PRH1: variants seen among roughly 807,000 people sequenced by gnomAD.
The protein encoded by PRH1 is proline rich protein HaeIII subfamily 1.
In PRH1, 7 loss-of-function variants were observed where a neutral mutation model predicts 7.9. That is an observed-to-expected ratio of 0.89 (90% CI 0.50 to 1.67). The LOEUF is 1.67. Among genes scored for constraint, PRH1 ranks in the 40% most tolerant of loss-of-function variants. The pLI, the probability that PRH1 is intolerant of heterozygous loss-of-function variation, is 0.00. For missense variants in PRH1, 109 were observed against 223.6 expected, an observed-to-expected ratio of 0.49 and a Z score of 3.27; for synonymous variants, 45 against 80.8, an observed-to-expected ratio of 0.56 and a Z score of 2.38.
intron 1 of PRH1, among the ~76,000 whole-genome samples, chr12:11,108,778 T>C (rs531600217): frequency 5.9e-5 from 9 of 152,158 alleles, no homozygotes; most frequent in Non-Finnish European, 1.0e-4. Context: ...CAGAAGTTTT[T>C]TGTCATACCC....
chr12:11,095,438 CATT>C lies in PRH1; in HGVS notation n.124-48253_124-48251del, dbSNP rs756064413. Among the ~76,000 whole-genome samples, 13 of 47,524 alleles carry C rather than the reference CATT, an allele frequency of 2.7e-4. No individual in the cohort carries two copies. In the East Asian group the frequency reaches 4.1e-3, roughly 15 times the overall value. The allele number at this position is 47,524 out of a possible 152,430, so 31.2% of individuals were successfully genotyped here. A position where few individuals can be genotyped will look rare whatever the true frequency, so the allele number is the denominator to read the frequency against. ...CAATTGTATAATTACCCCAACAAGA[CATT>C]ATTATTTTCTAAACATTCATTTAGA... On this transcript the variant is annotated intron_variant and non_coding_transcript_variant, in intron 1 of 4. Coordinates refer to the PRH1 transcript ENST00000541977.
At chr12:10,909,396 C>T (rs1401980197) in intron 2 of PRH1, 4 of 811,580 alleles carry the variant, frequency 4.9e-6, no homozygotes, top group African/African-American at 1.7e-5. Context: ...AGTTCTTCTT[C>T]CTTCTCCTTT....
chr12:10,974,750 C>T (rs1401894654), intron 1 of PRH1, among the ~76,000 whole-genome samples: 1 of 152,118 alleles, frequency 6.6e-6, no homozygotes, highest in African/African-American at 2.4e-5. Context: ...CTTCTTACCT[C>T]CAAACAACCA....
chr12:11,061,538 CA>C, intron 1 of PRH1: 1 of 1,465,048 alleles, frequency 6.8e-7, no homozygotes, highest in Non-Finnish European at 9.2e-7. Flanking sequence ...TCCAGACTCT[CA>C]AAACTCCAAA....
chr12:10,956,814 A>C (rs138480097), intron 2 of PRH1, among the ~76,000 whole-genome samples: 88 of 152,220 alleles, frequency 5.8e-4, no homozygotes, highest in African/African-American at 2.0e-3. Flanking sequence ...CCCTTTCACA[A>C]TAGTCCCAAA....
At chr12:10,942,592 C>A (rs138079659) in intron 2 of PRH1, among the ~76,000 whole-genome samples, 1 of 152,310 alleles carries the variant, frequency 6.6e-6, no homozygotes, top group African/African-American at 2.4e-5. Context: ...TGTTTCCAGA[C>A]AGTCGGCAAG....
intron 1 of PRH1, among the ~76,000 whole-genome samples, chr12:11,062,626 A>G (rs1943661820): frequency 6.6e-6 from 1 of 152,130 alleles, no homozygotes; most frequent in South Asian, 2.1e-4. Flanking sequence ...TATGCAAACA[A>G]GGACATATTC....
At chr12:11,118,465 G>T (rs142198278), downstream of PRH1, among the ~76,000 whole-genome samples, 293 of 151,836 alleles carry the variant, frequency 1.9e-3, no homozygotes, top group African/African-American at 6.8e-3. Flanking sequence ...ACTGTACACC[G>T]CAGGTGGGAA....
chr12:10,924,624 C>A (rs528356988), intron 2 of PRH1, among the ~76,000 whole-genome samples: 13 of 152,318 alleles, frequency 8.5e-5, no homozygotes, highest in Admixed American at 2.0e-4. Context: ...GTGATTCCGT[C>A]TGGTCCTGGA....
At chr12:11,012,018 A>G (rs1392453751) in intron 1 of PRH1, among the ~76,000 whole-genome samples, 2 of 152,132 alleles carry the variant, frequency 1.3e-5, no homozygotes, top group African/African-American at 4.8e-5. Flanking sequence ...GCTTTTGAGT[A>G]AGTCATTTTC....
chr12:10,920,157 AT>A (rs1288604819), intron 2 of PRH1, among the ~76,000 whole-genome samples: 6 of 152,030 alleles, frequency 3.9e-5, no homozygotes, highest in Non-Finnish European at 8.8e-5. Flanking sequence ...GCCTCCCAAC[AT>A]GCTGGGATTA....
chr12:11,067,005 G>T (rs1428848907), intron 1 of PRH1, among the ~76,000 whole-genome samples: 5 of 152,118 alleles, frequency 3.3e-5, no homozygotes, highest in Non-Finnish European at 7.4e-5. Context: ...CAATAATACA[G>T]TATATCAACT....
chr12:10,906,311 T>A (rs1949802488), intron 2 of PRH1, among the ~76,000 whole-genome samples: 1 of 152,160 alleles, frequency 6.6e-6, no homozygotes, highest in Non-Finnish European at 1.5e-5. Flanking sequence ...TATCTTTGAG[T>A]TTTGAAAGCA....
At chr12:11,105,657 C>A (rs1454290268) in intron 1 of PRH1, among the ~76,000 whole-genome samples, 1 of 152,096 alleles carries the variant, frequency 6.6e-6, no homozygotes, top group Non-Finnish European at 1.5e-5. Flanking sequence ...GCACTTACTT[C>A]TTTGTTTAAC....
intron 1 of PRH1, among the ~76,000 whole-genome samples, chr12:11,069,779 G>C (rs1408155523): frequency 4.6e-5 from 7 of 152,204 alleles, no homozygotes; most frequent in Admixed American, 6.5e-5. Context: ...GGCCTTTGAA[G>C]TGGAAAATCA....
chr12:11,086,008 G>A (rs1157808962), intron 1 of PRH1, among the ~76,000 whole-genome samples: 2 of 133,846 alleles, frequency 1.5e-5, no homozygotes, highest in Non-Finnish European at 3.4e-5. Flanking sequence ...GTTTTCTTTG[G>A]AAGCCCAGGA....
At chr12:11,127,232 TTGA>T in intron 1 of PRH1, among the ~76,000 whole-genome samples, 1 of 152,416 alleles carries the variant, frequency 6.6e-6, no homozygotes, top group South Asian at 2.1e-4. Context: ...CATACTGATG[TTGA>T]TGTGAAAGCT....
At chr12:11,103,279 G>A (rs1456351056) in intron 1 of PRH1, among the ~76,000 whole-genome samples, 1 of 152,004 alleles carries the variant, frequency 6.6e-6, no homozygotes, top group Non-Finnish European at 1.5e-5. Context: ...GCAAAGACTT[G>A]GAACCAACCC....
At chr12:11,069,371 A>G (rs1296011416) in intron 1 of PRH1, among the ~76,000 whole-genome samples, 1 of 152,042 alleles carries the variant, frequency 6.6e-6, no homozygotes, top group Non-Finnish European at 1.5e-5. Flanking sequence ...GTCAGTAAGG[A>G]GAATACATGA....
Sources: allele counts gnomAD v4.1 joint callset (sites outside exome capture counted in the v4.1 genomes callset), GRCh38; gene constraint gnomAD v4.1.1; transcripts MANE v1.5; gene names NCBI Gene and HGNC (gene_info 2026-07-23, HGNC 2026-07-21).